The following SLC35G1 variants were observed in gnomAD, a reference collection of about 807,000 sequenced individuals.
The protein encoded by SLC35G1 is partner of STIM1.
A neutral mutation model predicts 17.1 loss-of-function variants in SLC35G1; 10 were observed. That is an observed-to-expected ratio of 0.59 (90% CI 0.36 to 0.99). SLC35G1 has a LOEUF of 0.99. Ranked by LOEUF, SLC35G1 falls within the 50% of genes least tolerant of loss-of-function variation. The probability of loss-of-function intolerance (pLI) is 0.01; values close to 1 mark genes in which losing one functional copy is unlikely to be tolerated. For synonymous variants in SLC35G1, 185 were observed against 181.1 expected, an observed-to-expected ratio of 1.02 and a Z score of -0.18; for missense variants, 433 against 468.4, an observed-to-expected ratio of 0.92 and a Z score of 0.70.
At chr10:93,898,358 C>T (rs538395161) in intron 1 of SLC35G1, among the ~76,000 whole-genome samples, 46 of 152,218 alleles carry the variant, frequency 3.0e-4, no homozygotes, top group Middle Eastern at 6.8e-3. Context: ...TAGGGCGAAA[C>T]GGCATTTTAA....
rs2060373764 is a variant in SLC35G1, at chr10:93,900,635, T to C, written c.360-117T>C. ...TCATTTGTGGATATTATAATTAATTTACTATTCCCTCATTTTTTGATATTT... is the reference window on the plus strand; with the variant it reads ...TCATTTGTGGATATTATAATTAATTCACTATTCCCTCATTTTTTGATATTT... On this transcript the variant is annotated intron_variant, in intron 2 of 2. Transcript: ENST00000427197. The C allele has an allele frequency of 6.2e-6, 5 of 802,508 alleles. No homozygotes were observed. In the South Asian group the frequency reaches 9.8e-5, roughly 16 times the overall value. The allele number at this position is 802,508 out of a possible 1,614,324, so 49.7% of individuals were successfully genotyped here. A position where few individuals can be genotyped will look rare whatever the true frequency, so the allele number is the denominator to read the frequency against.
At chr10:93,904,533 T>TA (rs1185572680), downstream of SLC35G1, among the ~76,000 whole-genome samples, 1 of 152,200 alleles carries the variant, frequency 6.6e-6, no homozygotes, top group African/African-American at 2.4e-5. Context: ...CCCCTGTCCT[T>TA]ACCTTCTCTT....
chr10:93,907,034 T>C (rs2060433341), downstream of SLC35G1: 1 of 152,196 alleles, frequency 6.6e-6, no homozygotes, highest in Non-Finnish European at 1.5e-5. Flanking sequence ...CTAATTTTTT[T>C]GGAAAATAGT....
chr10:93,904,069 A>G (rs2060414400), downstream of SLC35G1, among the ~76,000 whole-genome samples: 1 of 152,188 alleles, frequency 6.6e-6, no homozygotes, highest in South Asian at 2.1e-4. Context: ...CTAGATCCTG[A>G]GAACTTAAAG....
chr10:93,894,060 C>G lies in SLC35G1; in HGVS notation c.27C>G (p.Val9=), dbSNP rs1212491983. 4 of 1,481,348 alleles carry G rather than the reference C, an allele frequency of 2.7e-6. No individual in the cohort carries two copies. Among genetic ancestry groups the G allele is most frequent in the Non-Finnish European group, 3.6e-6 (4 of 1,124,246 alleles). The allele number at this position is 1,481,348 out of a possible 1,614,324, so 91.8% of individuals were successfully genotyped here. A position where few individuals can be genotyped will look rare whatever the true frequency, so the allele number is the denominator to read the frequency against. ...TGCGGCCTCAGGACAGCACCGGGGT[C>G]GCGGAGCTCCAGGAGCCCGGGCTGC... MRPQDSTG[V]AELQEPGLPL... The change falls in exon 1 of 3, where the codon GTC becomes GTG. Residue 9 remains valine (V), a synonymous_variant. Coordinates refer to ENST00000427197, the MANE Select transcript of SLC35G1 (RefSeq NM_001134658.3).
At chr10:93,894,305 C>T in intron 1 of SLC35G1, 94 bp downstream of exon 1, 1 of 1,184,358 alleles carries the variant, frequency 8.4e-7, no homozygotes, top group Non-Finnish European at 1.1e-6. Flanking sequence ...GCACAGTGCC[C>T]GCCGCGCCTC....
At chr10:93,895,412 C>T (rs747557249) in intron 1 of SLC35G1, among the ~76,000 whole-genome samples, 7 of 152,202 alleles carry the variant, frequency 4.6e-5, no homozygotes, top group Non-Finnish European at 8.8e-5. Context: ...CACCTATCAC[C>T]CTCTGGGTGA....
rs1180579472 is a variant in SLC35G1 at position 93,903,378 on chromosome 10, G to A, written c.*1888G>A. On this transcript the variant is annotated 3_prime_UTR_variant, in exon 3 of 3. Transcript: ENST00000427197. ...TCGTAGATAGGGATGATAGAGAGGA[G>A]ACCTGCCCAAGTTGAATTTCCATGG... The A allele has an allele frequency of 6.6e-6, 1 of 152,172 alleles. No individual in the cohort carries two copies. Among genetic ancestry groups the A allele is most frequent in the Non-Finnish European group, 1.5e-5 (1 of 68,050 alleles). The allele number at this position is 152,172 out of a possible 1,614,324, so 9.4% of individuals were successfully genotyped here. A position where few individuals can be genotyped will look rare whatever the true frequency, so the allele number is the denominator to read the frequency against.
At position 93,901,477 on chromosome 10, in the gene SLC35G1, A is replaced by G; in HGVS notation, c.1085A>G (p.Gln362Arg). ...NVGAAIRKWYQSSK is the reference protein window; with the variant it reads ...NVGAAIRKWYRSSK ...GGAGCGGCCATTCGTAAATGGTACC[A>G]AAGTTCCAAATGAAGCATCATTGCT... The change falls in exon 3 of 3, where the codon CAA becomes CGA. Residue 362 changes from glutamine (Q) to arginine (R), a missense_variant. Coordinates refer to ENST00000427197, the MANE Select transcript of SLC35G1 (RefSeq NM_001134658.3). The G allele has an allele frequency of 6.3e-7, 1 of 1,588,682 alleles. No individual in the cohort carries two copies. The highest frequency in any genetic ancestry group is 8.6e-7 in the Non-Finnish European group (1 of 1,169,298).
intron 1 of SLC35G1, among the ~76,000 whole-genome samples, chr10:93,897,161 A>G (rs1298305444): frequency 6.6e-6 from 1 of 152,242 alleles, no homozygotes; most frequent in Non-Finnish European, 1.5e-5. Context: ...GTTCCAAAGC[A>G]GTATCTTCAG....
At chr10:93,908,710 T>C (rs2060442188), downstream of SLC35G1, 1 of 152,166 alleles carries the variant, frequency 6.6e-6, no homozygotes, top group Admixed American at 6.5e-5. Flanking sequence ...AGCCCTCACA[T>C]TGGTCATAAC....
At position 93,903,469 on chromosome 10, in the gene SLC35G1, G is replaced by A. The variant is rs563780649; in HGVS notation, c.*1979G>A. 69 of 152,234 alleles carry A rather than the reference G, an allele frequency of 4.5e-4. No individual in the cohort carries two copies. The highest frequency in any genetic ancestry group is 1.6e-3 in the African/African-American group (68 of 41,530). 9.4% of individuals were successfully genotyped at this position (152,234 alleles called of 1,614,324 possible). ...TAAACCACTACTTGAGCTACCTAAG[G>A]TGAATTAACTCTCAGGGAACCCTCT... On this transcript the variant is annotated 3_prime_UTR_variant, in exon 3 of 3. Transcript: ENST00000427197.
At position 93,894,029 on chromosome 10, in the gene SLC35G1, G is replaced by C; in HGVS notation, c.-5G>C. On this transcript the variant is annotated 5_prime_UTR_variant, in exon 1 of 3. Transcript: ENST00000427197. ...ACCGGCCGCTGGTAGAGCGCGTGCC[G>C]CGAGATGCGGCCTCAGGACAGCACC... The C allele has an allele frequency of 7.1e-7, 1 of 1,417,636 alleles. No individual in the cohort carries two copies. Among genetic ancestry groups the C allele is most frequent in the South Asian group, 1.5e-5 (1 of 67,778 alleles). The allele number at this position is 1,417,636 out of a possible 1,614,324, so 87.8% of individuals were successfully genotyped here.
Position 93,894,022 on chromosome 10 carries a change from G to A in SLC35G1, c.-12G>A, listed in dbSNP as rs987056407. 7.1e-7 allele frequency: 1 copy of A among 1,402,692 alleles called. No individual in the cohort carries two copies. Among genetic ancestry groups the A allele is most frequent in the Non-Finnish European group, 9.2e-7 (1 of 1,084,760 alleles). 86.9% of individuals were successfully genotyped at this position (1,402,692 alleles called of 1,614,324 possible). A position where few individuals can be genotyped will look rare whatever the true frequency, so the allele number is the denominator to read the frequency against. On this transcript the variant is annotated 5_prime_UTR_variant, in exon 1 of 3. Transcript: ENST00000427197. ...AGACGGCACCGGCCGCTGGTAGAGC[G>A]CGTGCCGCGAGATGCGGCCTCAGGA...
chr10:93,906,735 A>G (rs2060431668), downstream of SLC35G1, among the ~76,000 whole-genome samples: 1 of 152,202 alleles, frequency 6.6e-6, no homozygotes, highest in Non-Finnish European at 1.5e-5. Context: ...AAGAATAATA[A>G]AATATAATAA....
downstream of SLC35G1, among the ~76,000 whole-genome samples, chr10:93,905,107 C>T (rs941698802): frequency 6.6e-6 from 1 of 152,152 alleles, no homozygotes; most frequent in Non-Finnish European, 1.5e-5. Flanking sequence ...GGGTATTATG[C>T]TTGGCTCTGA....
chr10:93,897,052 T>C (rs2060336979), intron 1 of SLC35G1, among the ~76,000 whole-genome samples: 1 of 152,250 alleles, frequency 6.6e-6, no homozygotes, highest in Admixed American at 6.5e-5. Flanking sequence ...AGCTTCCTTC[T>C]CGTGGGCTGC....
intron 1 of SLC35G1, among the ~76,000 whole-genome samples, chr10:93,897,339 A>G (rs2060340047): frequency 6.6e-6 from 1 of 152,226 alleles, no homozygotes; most frequent in Non-Finnish European, 1.5e-5. Context: ...TACATTTATC[A>G]GAGAAGGGCA....
rs2060403065 is a variant in SLC35G1 at position 93,902,907 on chromosome 10, A to T, written c.*1417A>T. On this transcript the variant is annotated 3_prime_UTR_variant, in exon 3 of 3. Coordinates refer to ENST00000427197, the MANE Select transcript of SLC35G1 (RefSeq NM_001134658.3). ...TTGGGAGGTTAGTCAGGACTTAGGGAGTATACATAAATGGTTACTTGTTGT... is the reference window on the plus strand; with the variant it reads ...TTGGGAGGTTAGTCAGGACTTAGGGTGTATACATAAATGGTTACTTGTTGT... 6.6e-6 allele frequency: 1 copy of T among 152,440 alleles called. No homozygotes were observed. The highest frequency in any genetic ancestry group is 2.4e-5 in the African/African-American group (1 of 41,442). The allele number at this position is 152,440 out of a possible 1,614,324, so 9.4% of individuals were successfully genotyped here. A position where few individuals can be genotyped will look rare whatever the true frequency, so the allele number is the denominator to read the frequency against.
Sources: allele counts gnomAD v4.1 joint callset (sites outside exome capture counted in the v4.1 genomes callset), GRCh38; gene constraint gnomAD v4.1.1; transcripts MANE v1.5; gene names NCBI Gene and HGNC (gene_info 2026-07-23, HGNC 2026-07-21).